NRXN1: variants seen among roughly 807,000 people sequenced by gnomAD.
The protein encoded by NRXN1 is neurexin 1, also known as neurexin-1.
A neutral mutation model predicts 150.9 loss-of-function variants in NRXN1; 39 were observed. That is an observed-to-expected ratio of 0.26 (90% CI 0.20 to 0.34). The LOEUF (loss-of-function observed/expected upper bound fraction) is 0.34, where lower values mean the gene tolerates loss of function less well. NRXN1 is among the 10% of genes least tolerant of loss of function. The pLI is 1.00. For missense variants in NRXN1, 1,815 were observed against 1,949.9 expected (o/e 0.93, Z 1.30); for synonymous variants, 924 against 757.0 (o/e 1.22, Z -3.62).
chr2:50,609,637 G>A (rs1429181377), intron 8 of NRXN1, among the ~76,000 whole-genome samples: 1 of 152,090 alleles, frequency 6.6e-6, no homozygotes, highest in Non-Finnish European at 1.5e-5. Flanking sequence ...TGGAATCTGG[G>A]AGTGTCTGAT....
chr2:50,456,288 G>A (rs1479012307), intron 17 of NRXN1, among the ~76,000 whole-genome samples: 1 of 151,952 alleles, frequency 6.6e-6, no homozygotes, highest in Non-Finnish European at 1.5e-5. Flanking sequence ...CAAATCCTGG[G>A]GAGATTAAGC....
intron 17 of NRXN1, among the ~76,000 whole-genome samples, chr2:50,349,115 T>A (rs1343699162): frequency 1.3e-5 from 2 of 152,168 alleles, no homozygotes; most frequent in Admixed American, 6.5e-5. Flanking sequence ...AAATCACACC[T>A]GTAGCAATCA....
At chr2:50,166,301 GTGTGTGTGTGTGTGTGTGTGTGTT>G (rs1386641308) in intron 18 of NRXN1, among the ~76,000 whole-genome samples, 18 of 149,918 alleles carry the variant, frequency 1.2e-4, no homozygotes, top group African/African-American at 3.7e-4. Flanking sequence ...GTGTGTGTGT[GTGTGTGTGTGTGTGTGTGTGTGTT>G]TGTGTGTGTG....
chr2:50,989,177 T>C (rs1698169894), intron 2 of NRXN1, among the ~76,000 whole-genome samples: 1 of 152,000 alleles, frequency 6.6e-6, no homozygotes, highest in African/African-American at 2.4e-5. Context: ...TTGAAATTTA[T>C]GAAGGTTTTG....
At chr2:50,597,135 G>C (rs147547859) in intron 8 of NRXN1, among the ~76,000 whole-genome samples, 21 of 152,092 alleles carry the variant, frequency 1.4e-4, no homozygotes, top group African/African-American at 4.8e-4. Context: ...ACGAGTCACC[G>C]TGCCCGGTGG....
chr2:50,327,145 T>A lies in NRXN1; in HGVS notation c.3365-90175A>T, dbSNP rs1393498384. ...CCCAAACTGGAAACAAACCAAATGT[T>A]CTTCCACATGAGAATAAATAATCAA... On this transcript the variant is annotated intron_variant, in intron 17 of 22. Transcript: ENST00000401669. Among the ~76,000 whole-genome samples, 5 of 152,220 alleles carry A rather than the reference T, an allele frequency of 3.3e-5. No homozygotes were observed. The East Asian group carries it at 9.6e-4, about 29-fold the overall frequency.
In NRXN1 at chr2:50,675,549, T is replaced by C. The variant is rs552417961; in HGVS notation, c.833-51934A>G. Among the ~76,000 whole-genome samples the C allele has an allele frequency of 1.6e-4, 25 of 152,280 alleles. 1 individual carries two copies. The highest frequency in any genetic ancestry group is 1.5e-4 in the Non-Finnish European group (10 of 68,004). ...TTGCATTTGGCCAGTGGAGTGATGA[T>C]AAACTAGAAGATTCCTTTTGGGACA... On this transcript the variant is annotated intron_variant, in intron 5 of 22. Coordinates refer to ENST00000401669, the MANE Select transcript of NRXN1 (RefSeq NM_001330078.2).
At chr2:50,626,682 T>C (rs1326466118) in intron 5 of NRXN1, among the ~76,000 whole-genome samples, 1 of 151,820 alleles carries the variant, frequency 6.6e-6, no homozygotes, top group East Asian at 1.9e-4. Flanking sequence ...ACAATAAAGT[T>C]TGATATGGAA....
At chr2:50,242,678 G>A (rs1267541331) in intron 17 of NRXN1, among the ~76,000 whole-genome samples, 5 of 151,674 alleles carry the variant, frequency 3.3e-5, no homozygotes, top group Non-Finnish European at 7.4e-5. Context: ...AGCCCTCAAT[G>A]TTACATATGC....
chr2:50,405,719 A>G (rs1453554382), intron 17 of NRXN1, among the ~76,000 whole-genome samples: 2 of 152,162 alleles, frequency 1.3e-5, no homozygotes, highest in African/African-American at 2.4e-5. Flanking sequence ...TTTTGCTCCC[A>G]GGTTTATTAC....
chr2:50,698,104 A>C (rs1248138833), intron 5 of NRXN1, among the ~76,000 whole-genome samples: 1 of 152,236 alleles, frequency 6.6e-6, no homozygotes, highest in South Asian at 2.1e-4. Flanking sequence ...TCTCATGAGA[A>C]AGTAAACATT....
At chr2:50,064,592 T>A (rs1163107749) in intron 19 of NRXN1, among the ~76,000 whole-genome samples, 1 of 152,168 alleles carries the variant, frequency 6.6e-6, no homozygotes, top group Non-Finnish European at 1.5e-5. Flanking sequence ...AAGACTATAT[T>A]TTCTAGATGA....
rs80200392 is a variant in NRXN1 at position 50,204,158 on chromosome 2, C to T, written c.3546+32631G>A. On this transcript the variant is annotated intron_variant, in intron 18 of 22. Transcript: ENST00000401669. ...ATCACAATAACATAAAATGCAGAGG[C>T]TATAAAGTAAAAAGCAGCACTCAAA... Among the ~76,000 whole-genome samples the T allele has an allele frequency of 5.8e-3, 877 of 152,062 alleles. 23 individuals carry two copies. The highest frequency in any genetic ancestry group is 0.037 in the East Asian group (193 of 5,174).
intron 5 of NRXN1, among the ~76,000 whole-genome samples, chr2:50,800,459 T>C (rs1652645203): frequency 6.6e-6 from 1 of 152,190 alleles, no homozygotes; most frequent in Non-Finnish European, 1.5e-5. Context: ...ACCATGGGTG[T>C]TTTGCTAACA....
At chr2:50,776,579 ATATTATATG>A (rs1217364273) in intron 5 of NRXN1, among the ~76,000 whole-genome samples, 1 of 151,250 alleles carries the variant, frequency 6.6e-6, no homozygotes, top group Non-Finnish European at 1.5e-5. Context: ...TATATATATA[ATATTATATG>A]TATTATATAT....
chr2:50,325,228 G>A (rs1160786289), intron 17 of NRXN1, among the ~76,000 whole-genome samples: 2 of 152,180 alleles, frequency 1.3e-5, no homozygotes, highest in Non-Finnish European at 2.9e-5. Flanking sequence ...TAAATGCCAA[G>A]GGAAGAATGA....
intron 12 of NRXN1, among the ~76,000 whole-genome samples, chr2:50,521,251 A>G (rs2092780901): frequency 6.6e-6 from 1 of 152,322 alleles, no homozygotes; most frequent in East Asian, 1.9e-4. Context: ...ATTTATCTGT[A>G]GAAAAAGGCA....
At chr2:50,115,209 T>C (rs1702880176) in intron 18 of NRXN1, among the ~76,000 whole-genome samples, 1 of 116,200 alleles carries the variant, frequency 8.6e-6, no homozygotes, top group South Asian at 2.9e-4. Flanking sequence ...AACATATATA[T>C]GTTATGTGTA....
chr2:50,229,125 C>A (rs932719589), intron 18 of NRXN1, among the ~76,000 whole-genome samples: 1 of 151,990 alleles, frequency 6.6e-6, no homozygotes, highest in African/African-American at 2.4e-5. Context: ...CCTATCTATG[C>A]ACCTAGATTA....
Sources: allele counts gnomAD v4.1 joint callset (sites outside exome capture counted in the v4.1 genomes callset), GRCh38; gene constraint gnomAD v4.1.1; transcripts MANE v1.5; gene names NCBI Gene and HGNC (gene_info 2026-07-23, HGNC 2026-07-21).